SIPA1L3: variants seen among roughly 807,000 people sequenced by gnomAD.
The protein encoded by SIPA1L3 is signal-induced proliferation-associated 1-like protein 3.
A neutral mutation model predicts 150.1 loss-of-function variants in SIPA1L3; 59 were observed. That is an observed-to-expected ratio of 0.39 (90% CI 0.32 to 0.49). The LOEUF (loss-of-function observed/expected upper bound fraction) is 0.49. SIPA1L3 is among the 20% of genes least tolerant of loss of function. SIPA1L3 has a pLI of 0.86. For synonymous variants in SIPA1L3, 1,070 were observed against 1,077.6 expected (o/e 0.99, Z 0.14); for missense variants, 2,211 against 2,489.5 (o/e 0.89, Z 2.38).
rs372257715 is a variant in SIPA1L3 at position 38,130,699 on chromosome 19, A to G, written c.3070A>G (p.Ile1024Val). The G allele has an allele frequency of 1.9e-5, 31 of 1,614,086 alleles. No homozygotes were observed. Among genetic ancestry groups the G allele is most frequent in the Non-Finnish European group, 2.5e-5 (30 of 1,180,018 alleles). Residue 1024 changes from isoleucine (I) to valine (V), a missense_variant, in exon 10 of 22, where the codon ATC (isoleucine) becomes GTC (valine). By Grantham distance (29) the Ile-to-Val change is conservative. Around this residue, in one of 5 missense-constraint regions of SIPA1L3, gnomAD observed 625 missense variants for 804.2 expected, o/e 0.78. Coordinates refer to ENST00000222345, the MANE Select transcript of SIPA1L3 (RefSeq NM_015073.3). ...GGTCACACTGACCCACGACCAGATG[A>G]TCGACCTGCTGCGCACCTCTGTCAC... The part of the protein sequence containing the change: ...AVVTLTHDQM[I>V]DLLRTSVTVK...
Position 38,040,366 on chromosome 19 carries a change from G to GT in SIPA1L3, c.-311+11221dup, listed in dbSNP as rs5828001. 3.3e-3 allele frequency among the ~76,000 whole-genome samples: 498 copies of GT among 149,612 alleles called. 3 individuals carry two copies. Among genetic ancestry groups the GT allele is most frequent in the African/African-American group, 9.1e-3 (371 of 40,862 alleles). ...GAAGCCATTCCTCTACCATTAGACA[G>GT]TTTTTTTTTTTAATGCCCCTTTTAG... On this transcript the variant is annotated intron_variant, in intron 2 of 21. Transcript: ENST00000222345.
intron 15 of SIPA1L3, among the ~76,000 whole-genome samples, chr19:38,175,348 C>G (rs1972414673): frequency 6.6e-6 from 1 of 152,144 alleles, no homozygotes; most frequent in Non-Finnish European, 1.5e-5. Context: ...CACCCAGGAC[C>G]ACCCATTGGT....
rs186067803 is a variant in SIPA1L3 at position 38,147,157 on chromosome 19, G to A, written c.3533+4447G>A. Among the ~76,000 whole-genome samples, 1,023 of 152,176 alleles carry A rather than the reference G, an allele frequency of 6.7e-3. 9 individuals are homozygous for A. Among genetic ancestry groups the A allele is most frequent in the Non-Finnish European group, 0.011 (746 of 68,000 alleles). ...GCTCCCTGCAACTTCTGCCTCCCAG[G>A]TTCAAGCGATTCTCATGCCTCAACC... On this transcript the variant is annotated intron_variant, in intron 12 of 21. Coordinates refer to ENST00000222345, the MANE Select transcript of SIPA1L3 (RefSeq NM_015073.3).
chr19:38,073,465 C>T (rs145107079), intron 2 of SIPA1L3, among the ~76,000 whole-genome samples: 121 of 152,334 alleles, frequency 7.9e-4, no homozygotes, highest in Non-Finnish European at 1.4e-3. Flanking sequence ...CTGACTGTCT[C>T]CCACTGCCAC....
At position 38,195,224 on chromosome 19, in the gene SIPA1L3, C is replaced by T. The variant is rs557490995; in HGVS notation, c.4840+1444C>T. ...GGGCATCCTGCACGGCTGTTCTCTC[C>T]GCCCGCCATGCTCTTCCCTCAGTCC... On this transcript the variant is annotated intron_variant, in intron 18 of 21. Coordinates refer to ENST00000222345, the MANE Select transcript of SIPA1L3 (RefSeq NM_015073.3). 9.9e-5 allele frequency among the ~76,000 whole-genome samples: 15 copies of T among 152,256 alleles called. No individual in the cohort carries two copies. In the South Asian group the frequency reaches 1.7e-3, roughly 17 times the overall value.
At chr19:38,112,101 A>G (rs961704693) in intron 8 of SIPA1L3, among the ~76,000 whole-genome samples, 2 of 150,818 alleles carry the variant, frequency 1.3e-5, no homozygotes, top group African/African-American at 4.9e-5. Flanking sequence ...ACACACCTAC[A>G]TGCACACACA....
chr19:38,125,627 C>T (rs1466933461), intron 9 of SIPA1L3, among the ~76,000 whole-genome samples: 2 of 152,094 alleles, frequency 1.3e-5, no homozygotes, highest in Non-Finnish European at 2.9e-5. Context: ...CGTGGAGGGG[C>T]AGGCCCGTTT....
chr19:38,020,100 C>CTA (rs909160615), intron 1 of SIPA1L3, among the ~76,000 whole-genome samples: 315 of 131,384 alleles, frequency 2.4e-3, no homozygotes, highest in African/African-American at 7.9e-3. Context: ...CTCTCTCTCT[C>CTA]TATATATAAA....
chr19:37,940,217 G>T (rs1440333564), intron 1 of SIPA1L3, among the ~76,000 whole-genome samples: 1 of 151,570 alleles, frequency 6.6e-6, no homozygotes, highest in Non-Finnish European at 1.5e-5. Context: ...GGAGGTCAAG[G>T]CTGCAGTGAG....
intron 8 of SIPA1L3, among the ~76,000 whole-genome samples, chr19:38,113,501 G>A (rs962298601): frequency 3.3e-5 from 5 of 151,806 alleles, no homozygotes; most frequent in African/African-American, 7.3e-5. Flanking sequence ...ATGCTGGCAC[G>A]CACCCATAAT....
rs775854055 is a variant in SIPA1L3, at chr19:38,141,229, G to A, written c.3189G>A (p.Thr1063=). The A allele has an allele frequency of 6.2e-6, 10 of 1,612,926 alleles. No individual in the cohort carries two copies. Among genetic ancestry groups the A allele is most frequent in the Admixed American group, 1.7e-5 (1 of 59,926 alleles). ...ACATGAATACCTCGGAGCCCAAGAC[G>A]GAGCAGGAAAGCATCACTCCTGGGG... The part of the protein sequence containing the change: ...TYDMNTSEPK[T]EQESITPGGR... The change falls in exon 11 of 22, where the codon ACG becomes ACA. Residue 1063 remains threonine (T), a synonymous_variant. Coordinates refer to ENST00000222345, the MANE Select transcript of SIPA1L3 (RefSeq NM_015073.3).
chr19:38,016,732 A>T (rs933604815), intron 1 of SIPA1L3, among the ~76,000 whole-genome samples: 5 of 151,484 alleles, frequency 3.3e-5, no homozygotes, highest in Non-Finnish European at 7.4e-5. Context: ...ACCTCAAGTG[A>T]TCCTCCTGCC....
intron 10 of SIPA1L3, among the ~76,000 whole-genome samples, chr19:38,138,134 TAAAAA>T (rs59553756): frequency 6.9e-6 from 1 of 145,102 alleles, no homozygotes; most frequent in African/African-American, 2.6e-5. Flanking sequence ...CTGTCTCAAA[TAAAAA>T]AAAAAAATAA....
intron 19 of SIPA1L3, among the ~76,000 whole-genome samples, chr19:38,199,366 C>A (rs1975166): frequency 0.48 from 72,335 of 151,956 alleles, 20,124 homozygotes; most frequent in East Asian, 0.69. Flanking sequence ...ACAGAGCTGC[C>A]CAGACACTGA....
At chr19:38,124,815 C>A (rs1337668824) in intron 9 of SIPA1L3, among the ~76,000 whole-genome samples, 1 of 152,168 alleles carries the variant, frequency 6.6e-6, no homozygotes, top group Non-Finnish European at 1.5e-5. Context: ...GCCCGGCCAT[C>A]ACAGCGAAAC....
chr19:38,000,153 G>A (rs1416108345), intron 1 of SIPA1L3, among the ~76,000 whole-genome samples: 1 of 151,406 alleles, frequency 6.6e-6, no homozygotes, highest in East Asian at 1.9e-4. Context: ...GTTGTAATGG[G>A]CATGCACAGT....
intron 1 of SIPA1L3, among the ~76,000 whole-genome samples, chr19:38,010,229 T>C (rs1448649052): frequency 6.6e-6 from 1 of 151,566 alleles, no homozygotes; most frequent in Non-Finnish European, 1.5e-5. Context: ...AAGGAGACTC[T>C]GTCTCTACTG....
chr19:38,057,571 TG>T (rs1451916974), intron 2 of SIPA1L3, among the ~76,000 whole-genome samples: 3 of 151,978 alleles, frequency 2.0e-5, no homozygotes, highest in Non-Finnish European at 1.5e-5. Context: ...AAGGATACTA[TG>T]AATTTTTCTG....
In SIPA1L3 at chr19:37,954,084, A is replaced by T. The variant is rs111421005; in HGVS notation, c.-379+46726A>T. On this transcript the variant is annotated intron_variant, in intron 1 of 21. Coordinates refer to ENST00000222345, the MANE Select transcript of SIPA1L3 (RefSeq NM_015073.3). ...GAAATATTTTATGATGTGGTTAGAT[A>T]AAAAAAAGTTTTTACTACCTTATTG... Among the ~76,000 whole-genome samples the T allele has an allele frequency of 7.2e-3, 1,084 of 150,746 alleles. 36 individuals are homozygous for T. Among genetic ancestry groups the T allele is most frequent in the East Asian group, 0.066 (340 of 5,184 alleles).
Sources: gnomAD v4.1 joint callset for allele counts (sites outside exome capture counted in the v4.1 genomes callset) on GRCh38, gnomAD v4.1.1 for gene constraint, gnomAD v4.1.1 regional missense constraint, MANE v1.5 for transcripts, NCBI Gene and HGNC (gene_info 2026-07-23, HGNC 2026-07-21) for gene names.